Variants in FAM168A observed in about 807,000 individuals in gnomAD.
The protein encoded by FAM168A is protein FAM168A.
In FAM168A, 3 loss-of-function variants were observed where a neutral mutation model predicts 28.5. That is an observed-to-expected ratio of 0.11 (90% CI 0.05 to 0.27). The LOEUF (loss-of-function observed/expected upper bound fraction) is 0.27, where lower values mean the gene tolerates loss of function less well. Ranked by LOEUF, FAM168A falls within the 10% of genes least tolerant of loss-of-function variation. The pLI, the probability that FAM168A is intolerant of heterozygous loss-of-function variation, is 1.00. For synonymous variants in FAM168A, 122 were observed against 124.2 expected (o/e 0.98, Z 0.12); for missense variants, 222 against 311.5 (o/e 0.71, Z 2.16).
At chr11:73,488,174 A>T (rs1868079694) in intron 1 of FAM168A, among the ~76,000 whole-genome samples, 1 of 150,562 alleles carries the variant, frequency 6.6e-6, no homozygotes, top group African/African-American at 2.5e-5. Context: ...TCTATTGCCC[A>T]GGCTGGAGTG....
At chr11:73,572,892 A>T (rs12274057) in intron 1 of FAM168A, among the ~76,000 whole-genome samples, 20,182 of 151,870 alleles carry the variant, frequency 0.13, 1,469 homozygotes, top group African/African-American at 0.17. Flanking sequence ...AAATAAATAA[A>T]TAATTAATTA....
intron 1 of FAM168A, among the ~76,000 whole-genome samples, chr11:73,482,459 T>C (rs897940801): frequency 6.6e-5 from 10 of 152,024 alleles, no homozygotes; most frequent in Admixed American, 5.9e-4. Flanking sequence ...CTTTTGCTGG[T>C]CATAAGTCTT....
chr11:73,499,352 C>T (rs967996053), intron 1 of FAM168A, among the ~76,000 whole-genome samples: 1 of 152,126 alleles, frequency 6.6e-6, no homozygotes, highest in Non-Finnish European at 1.5e-5. Context: ...AAGGCTCCCA[C>T]AAAAACCCCA....
chr11:73,453,450 T>C (rs561936425), intron 2 of FAM168A, among the ~76,000 whole-genome samples: 1 of 146,920 alleles, frequency 6.8e-6, no homozygotes, highest in Non-Finnish European at 1.5e-5. Flanking sequence ...CTAGTAAAGT[T>C]ACTAATCTCA....
At chr11:73,555,386 G>T (rs1407057184) in intron 1 of FAM168A, among the ~76,000 whole-genome samples, 2 of 152,058 alleles carry the variant, frequency 1.3e-5, no homozygotes, top group African/African-American at 4.8e-5. Flanking sequence ...TCCAGCCTGG[G>T]GGCTCATGAA....
Position 73,530,300 on chromosome 11 carries a change from C to T in FAM168A, c.-18-61808G>A, listed in dbSNP as rs1282294170. 2.0e-5 allele frequency among the ~76,000 whole-genome samples: 3 copies of T among 152,156 alleles called. No homozygotes were observed. In the East Asian group the frequency reaches 5.8e-4, roughly 29 times the overall value. On this transcript the variant is annotated intron_variant, in intron 1 of 7. Transcript: ENST00000356467. ...CCTTGCTCTGTGATACGAGACTAAC[C>T]TAGGCTGACTACATTTCTCCTTTCC...
chr11:73,544,980 A>G (rs1943719932), intron 1 of FAM168A, among the ~76,000 whole-genome samples: 1 of 90,398 alleles, frequency 1.1e-5, no homozygotes, highest in South Asian at 2.5e-4. Flanking sequence ...ATTATATAAT[A>G]TATTTTATAT....
intron 1 of FAM168A, among the ~76,000 whole-genome samples, chr11:73,516,644 TC>T (rs1409927803): frequency 1.3e-5 from 2 of 152,224 alleles, no homozygotes; most frequent in African/African-American, 4.8e-5. Context: ...ATGTTAAACT[TC>T]TAATATATAT....
chr11:73,587,171 A>C (rs1027504654), intron 1 of FAM168A, among the ~76,000 whole-genome samples: 1 of 150,994 alleles, frequency 6.6e-6, no homozygotes, highest in Non-Finnish European at 1.5e-5. Flanking sequence ...AAAAAAAAAA[A>C]AAAAAAACTA....
chr11:73,408,966 C>T (rs954979092), intron 6 of FAM168A, among the ~76,000 whole-genome samples: 1 of 152,072 alleles, frequency 6.6e-6, no homozygotes, highest in African/African-American at 2.4e-5. Context: ...CTAAAGTACA[C>T]TGACAGCCTC....
chr11:73,509,492 T>C (rs575890902), intron 1 of FAM168A, among the ~76,000 whole-genome samples: 58 of 152,260 alleles, frequency 3.8e-4, no homozygotes, highest in Admixed American at 3.0e-3. Context: ...TCATGGACCT[T>C]TGAAGCTGCT....
At chr11:73,511,299 C>T (rs1001778729) in intron 1 of FAM168A, among the ~76,000 whole-genome samples, 2 of 151,516 alleles carry the variant, frequency 1.3e-5, no homozygotes, top group Non-Finnish European at 2.9e-5. Context: ...GTGCAGTGTG[C>T]GATCTCAGCT....
At chr11:73,562,434 G>A (rs1030042053) in intron 1 of FAM168A, among the ~76,000 whole-genome samples, 3 of 152,132 alleles carry the variant, frequency 2.0e-5, no homozygotes, top group East Asian at 3.9e-4. Context: ...GCTTCAAGGA[G>A]AAAGTGTTTT....
intron 1 of FAM168A, among the ~76,000 whole-genome samples, chr11:73,511,859 C>T (rs1370871601): frequency 6.6e-6 from 1 of 152,204 alleles, no homozygotes; most frequent in Non-Finnish European, 1.5e-5. Flanking sequence ...ATTTCAGCCA[C>T]TCTGTGTGTT....
intron 1 of FAM168A, among the ~76,000 whole-genome samples, chr11:73,533,263 G>A (rs183920148): frequency 6.6e-6 from 1 of 152,102 alleles, no homozygotes; most frequent in Non-Finnish European, 1.5e-5. Flanking sequence ...ATTTATTTGA[G>A]AAATCATGAA....
At chr11:73,466,567 G>C (rs1009986718) in intron 2 of FAM168A, among the ~76,000 whole-genome samples, 1 of 151,914 alleles carries the variant, frequency 6.6e-6, no homozygotes, top group African/African-American at 2.4e-5. Flanking sequence ...CCATATAAAT[G>C]CTTACTGTAA....
chr11:73,534,494 C>A (rs1239237345), intron 1 of FAM168A, among the ~76,000 whole-genome samples: 1 of 151,962 alleles, frequency 6.6e-6, no homozygotes, highest in Admixed American at 6.5e-5. Context: ...CCTCCACCTC[C>A]TGGGTTCAAG....
At chr11:73,558,588 C>A (rs1165998143) in intron 1 of FAM168A, among the ~76,000 whole-genome samples, 4 of 137,796 alleles carry the variant, frequency 2.9e-5, no homozygotes, top group African/African-American at 5.4e-5. Context: ...TTTTATAATT[C>A]AACAACAAAA....
At position 73,404,066 on chromosome 11, in the gene FAM168A, AGAAATAACCTCT is replaced by A; in HGVS notation, c.*2685_*2696del. ...TTGATTTCCTTATGGATCAAATAGG[AGAAATAACCTCT>A]ATTTCATCGGGTTAAACCAGATAAT... On this transcript the variant is annotated 3_prime_UTR_variant, in exon 8 of 8. Transcript: ENST00000356467. 1 of 152,362 alleles carries A rather than the reference AGAAATAACCTCT, an allele frequency of 6.6e-6. No individual in the cohort carries two copies. 9.4% of individuals were successfully genotyped at this position (152,362 alleles called of 1,614,324 possible).
Sources: gnomAD v4.1 joint callset for allele counts (sites outside exome capture counted in the v4.1 genomes callset) on GRCh38, gnomAD v4.1.1 for gene constraint, MANE v1.5 for transcripts, NCBI Gene and HGNC (gene_info 2026-07-23, HGNC 2026-07-21) for gene names.